The following ERC1 variants were observed in gnomAD, a reference collection of about 807,000 sequenced individuals.
The protein encoded by ERC1 is ELKS/RAB6-interacting/CAST family member 1.
ERC1 carries 56 observed loss-of-function variants against 132.0 expected under a neutral mutation model. The ratio of observed to expected loss-of-function variants is 0.42; its 90% confidence interval spans 0.34 to 0.53. The LOEUF is 0.53. ERC1 is among the 20% of genes least tolerant of loss of function. The pLI is 0.03. For synonymous variants in ERC1, 478 were observed against 476.1 expected (o/e 1.00, Z -0.05); for missense variants, 1,202 against 1,349.9 (o/e 0.89, Z 1.72).
intron 3 of ERC1, among the ~76,000 whole-genome samples, chr12:1,097,866 C>CT (rs1476996703): frequency 6.6e-6 from 1 of 152,040 alleles, no homozygotes; most frequent in Non-Finnish European, 1.5e-5. Flanking sequence ...AGGTGCCCCC[C>CT]ACCATGCTCA....
chr12:1,127,889 A>G (rs1948371702), intron 7 of ERC1, among the ~76,000 whole-genome samples: 1 of 152,206 alleles, frequency 6.6e-6, no homozygotes, highest in African/African-American at 2.4e-5. Flanking sequence ...TAAGTGAGAT[A>G]GGGATCTGAA....
chr12:1,436,013 A>C (rs1392403153), intron 17 of ERC1, among the ~76,000 whole-genome samples: 1 of 152,186 alleles, frequency 6.6e-6, no homozygotes, highest in Non-Finnish European at 1.5e-5. Context: ...CAGTGGCTAT[A>C]GCCTAGCTGT....
intron 18 of ERC1, among the ~76,000 whole-genome samples, chr12:1,472,337 A>G (rs1269878008): frequency 6.6e-6 from 1 of 152,166 alleles, no homozygotes; most frequent in East Asian, 1.9e-4. Context: ...AATGGCAGAA[A>G]TATGTGATGA....
At chr12:1,078,478 A>G (rs944469870) in intron 2 of ERC1, among the ~76,000 whole-genome samples, 5 of 150,970 alleles carry the variant, frequency 3.3e-5, no homozygotes, top group Non-Finnish European at 7.4e-5. Flanking sequence ...AAGAAATAGC[A>G]GTGCTTTTCA....
At chr12:1,038,135 A>G (rs1399806784) in intron 2 of ERC1, among the ~76,000 whole-genome samples, 2 of 152,098 alleles carry the variant, frequency 1.3e-5, no homozygotes, top group African/African-American at 4.8e-5. Context: ...AGAAGTGGTC[A>G]CTGGGAGGTC....
chr12:1,242,943 T>C (rs1013205960), intron 13 of ERC1, among the ~76,000 whole-genome samples: 21 of 151,744 alleles, frequency 1.4e-4, no homozygotes, highest in Admixed American at 3.9e-4. Context: ...ATCCCAGCAC[T>C]TTGGGAGGCC....
At chr12:1,386,828 T>A (rs1278197748) in intron 16 of ERC1, 1 of 152,112 alleles carries the variant, frequency 6.6e-6, no homozygotes, top group Non-Finnish European at 1.5e-5. Flanking sequence ...CAGGAGTAAC[T>A]GCTCTACTGA....
intron 12 of ERC1, among the ~76,000 whole-genome samples, chr12:1,212,388 C>T (rs937814787): frequency 3.3e-5 from 5 of 152,048 alleles, no homozygotes; most frequent in Non-Finnish European, 5.9e-5. Flanking sequence ...ACTGTTTTTC[C>T]AGGAAGCCTT....
At chr12:1,386,205 A>G (rs934987188) in intron 16 of ERC1, among the ~76,000 whole-genome samples, 20 of 151,350 alleles carry the variant, frequency 1.3e-4, no homozygotes, top group African/African-American at 4.1e-4. Flanking sequence ...ATGCCCAGCT[A>G]TTTTTGTATT....
At chr12:1,340,728 G>A (rs904286698) in intron 15 of ERC1, among the ~76,000 whole-genome samples, 1 of 152,202 alleles carries the variant, frequency 6.6e-6, no homozygotes. Context: ...GCTGGCAGCT[G>A]TTCCACCTGG....
chr12:1,039,625 C>T (rs535030591), intron 2 of ERC1, among the ~76,000 whole-genome samples: 5 of 151,934 alleles, frequency 3.3e-5, no homozygotes, highest in Non-Finnish European at 7.4e-5. Context: ...CTTTTCCCTA[C>T]GATTAACAAC....
At chr12:1,024,326 A>T (rs1246430917) in intron 1 of ERC1, among the ~76,000 whole-genome samples, 1 of 152,156 alleles carries the variant, frequency 6.6e-6, no homozygotes, top group Non-Finnish European at 1.5e-5. Flanking sequence ...GGCCACGGTG[A>T]GCTGTGATTG....
At chr12:1,167,678 G>A (rs899812507) in intron 8 of ERC1, among the ~76,000 whole-genome samples, 10 of 150,144 alleles carry the variant, frequency 6.7e-5, no homozygotes, top group South Asian at 2.1e-4. Context: ...AGAAAAATTT[G>A]CAAAATTCTA....
chr12:1,201,626 C>T (rs1956923565), intron 12 of ERC1, among the ~76,000 whole-genome samples: 1 of 152,156 alleles, frequency 6.6e-6, no homozygotes, highest in Non-Finnish European at 1.5e-5. Context: ...CCATTATATT[C>T]AGGCATCTGT....
intron 18 of ERC1, among the ~76,000 whole-genome samples, chr12:1,484,198 G>A (rs367556960): frequency 1.6e-4 from 24 of 151,942 alleles, no homozygotes; most frequent in East Asian, 1.0e-3. Flanking sequence ...CCAGCTACTC[G>A]GGAGGCTGAG....
chr12:1,094,280 A>G (rs1269844105), intron 3 of ERC1, among the ~76,000 whole-genome samples: 1 of 151,878 alleles, frequency 6.6e-6, no homozygotes, highest in Non-Finnish European at 1.5e-5. Flanking sequence ...CGGCCTCCCA[A>G]AGTGCTGGGA....
intron 17 of ERC1, among the ~76,000 whole-genome samples, chr12:1,418,571 TTC>T (rs1483362389): frequency 5.1e-4 from 64 of 125,156 alleles, no homozygotes; most frequent in African/African-American, 1.8e-3. Context: ...TTCATTTTCT[TTC>T]TTTCTTTCTT....
At chr12:1,321,162 A>G (rs558854035) in intron 15 of ERC1, among the ~76,000 whole-genome samples, 16 of 152,342 alleles carry the variant, frequency 1.1e-4, no homozygotes, top group East Asian at 1.9e-4. Flanking sequence ...TTAAGGGTAC[A>G]CTGTGACTTA....
chr12:1,349,660 TAAA>T (rs57752848), intron 15 of ERC1, among the ~76,000 whole-genome samples: 15 of 107,602 alleles, frequency 1.4e-4, no homozygotes, highest in Middle Eastern at 5.2e-3. Context: ...TGAGACCGTC[TAAA>T]AAAAAAAAAA....
Sources: allele counts gnomAD v4.1 joint callset (sites outside exome capture counted in the v4.1 genomes callset), GRCh38; gene constraint gnomAD v4.1.1; transcripts MANE v1.5; gene names NCBI Gene and HGNC (gene_info 2026-07-23, HGNC 2026-07-21).